Variants in XPO4 observed in about 807,000 individuals in gnomAD.
XPO4 encodes exportin 4.
Under a neutral mutation model 143.0 loss-of-function variants are expected in XPO4, and 39 were observed. That is an observed-to-expected ratio of 0.27 (90% CI 0.21 to 0.36). XPO4 has a LOEUF of 0.36. Ranked by LOEUF, XPO4 falls within the 10% of genes least tolerant of loss-of-function variation. XPO4 has a pLI of 1.00. For synonymous variants in XPO4, 439 were observed against 474.0 expected (o/e 0.93, Z 0.96); for missense variants, 907 against 1,348.0 (o/e 0.67, Z 5.12).
In XPO4 at chr13:20,860,337, T is replaced by G. The variant is rs142182319; in HGVS notation, c.317+2380A>C. Among the ~76,000 whole-genome samples the G allele has an allele frequency of 3.3e-3, 500 of 152,336 alleles. 1 individual carries two copies. Among genetic ancestry groups the G allele is most frequent in the African/African-American group, 0.012 (486 of 41,580 alleles). On this transcript the variant is annotated intron_variant, in intron 3 of 22. Coordinates refer to ENST00000255305, the MANE Select transcript of XPO4 (RefSeq NM_022459.5). ...AGGCCCTAAGGCTTATTTTCTTTTA[T>G]TACATAAATATAAATAAATATGAAG...
intron 9 of XPO4, among the ~76,000 whole-genome samples, chr13:20,813,144 C>T (rs1384624736): frequency 1.3e-5 from 2 of 152,090 alleles, no homozygotes; most frequent in Non-Finnish European, 1.5e-5. Flanking sequence ...CACAATGTCA[C>T]GAGAACAGCA....
chr13:20,890,324 C>T (rs2060499857), intron 1 of XPO4, among the ~76,000 whole-genome samples: 1 of 151,804 alleles, frequency 6.6e-6, no homozygotes, highest in Non-Finnish European at 1.5e-5. Context: ...GTGGCCCATG[C>T]TTATAGTCCC....
rs1235082676 is a variant in XPO4, at chr13:20,788,623, AAG to A, written c.2917-9_2917-8del. ...GATTACAAAGGGTTGGAAACTGAAAAAGAAATATTCAATTATTTGGATGCTCA... is the reference window on the plus strand; with the variant it reads ...GATTACAAAGGGTTGGAAACTGAAAAAAATATTCAATTATTTGGATGCTCA... On this transcript the variant is annotated splice_polypyrimidine_tract_variant and splice_region_variant and intron_variant, in intron 19 of 22. Transcript: ENST00000255305. The A allele has an allele frequency of 6.3e-7, 1 of 1,583,250 alleles. No homozygotes were observed.
At chr13:20,800,398 C>A in intron 14 of XPO4, 73 bp from the exon 15 acceptor site, 3 of 1,452,814 alleles carry the variant, frequency 2.1e-6, no homozygotes, top group South Asian at 2.6e-5. Flanking sequence ...AGAGAAAAAT[C>A]GAACTGAAAT....
chr13:20,871,523 A>T (rs985699264), intron 1 of XPO4, among the ~76,000 whole-genome samples: 7 of 152,158 alleles, frequency 4.6e-5, no homozygotes, highest in African/African-American at 1.4e-4. Context: ...ACCATGGCTC[A>T]TGCCTGTAAT....
rs75234944 is a variant in XPO4 at position 20,815,092 on chromosome 13, A to G, written c.1174-5125T>C. Among the ~76,000 whole-genome samples the G allele has an allele frequency of 3.3e-3, 504 of 152,274 alleles. 4 individuals are homozygous for G. Among genetic ancestry groups the G allele is most frequent in the African/African-American group, 0.012 (485 of 41,548 alleles). ...AATCTAACAACACTACACGATTCCA[A>G]CTACACGACATTCTAGAAAAGGCAA... On this transcript the variant is annotated intron_variant, in intron 9 of 22. Transcript: ENST00000255305.
chr13:20,855,565 T>C (rs984809672), intron 4 of XPO4, 62 bp downstream of exon 4: 4 of 1,378,120 alleles, frequency 2.9e-6, no homozygotes. Context: ...CTTGCTATAA[T>C]GCTATTTGTG....
At chr13:20,797,776 C>T (rs1253157280) in intron 16 of XPO4, among the ~76,000 whole-genome samples, 4 of 152,128 alleles carry the variant, frequency 2.6e-5, no homozygotes. Flanking sequence ...ATAATGTGCC[C>T]ATGGTTGTTG....
At chr13:20,896,409 T>C (rs918397447) in intron 1 of XPO4, among the ~76,000 whole-genome samples, 1 of 152,208 alleles carries the variant, frequency 6.6e-6, no homozygotes, top group Non-Finnish European at 1.5e-5. Context: ...CTCTTTTATA[T>C]TCTGCAAATA....
At chr13:20,862,884 T>C in intron 2 of XPO4, 26 bp from the exon 3 acceptor site, 1 of 1,609,132 alleles carries the variant, frequency 6.2e-7, no homozygotes, top group Non-Finnish European at 8.5e-7. Context: ...AAAACTTTAT[T>C]TAAACAATAA....
At chr13:20,860,188 G>A (rs1046447293) in intron 3 of XPO4, among the ~76,000 whole-genome samples, 1 of 152,170 alleles carries the variant, frequency 6.6e-6, no homozygotes, top group African/African-American at 2.4e-5. Context: ...ATATTAAAGA[G>A]ACTTTATGTT....
chr13:20,892,047 T>C (rs183768253), intron 1 of XPO4, among the ~76,000 whole-genome samples: 108 of 151,648 alleles, frequency 7.1e-4, no homozygotes, highest in African/African-American at 2.5e-3. Context: ...TTTTTTTTTT[T>C]CGAGATGGAG....
At chr13:20,860,440 A>G (rs1281112626) in intron 3 of XPO4, among the ~76,000 whole-genome samples, 1 of 152,238 alleles carries the variant, frequency 6.6e-6, no homozygotes, top group Non-Finnish European at 1.5e-5. Flanking sequence ...AAAGAAAAAT[A>G]CCAAAACAAA....
At chr13:20,787,412 C>A in intron 21 of XPO4, 69 bp downstream of exon 21, 1 of 1,397,508 alleles carries the variant, frequency 7.2e-7, no homozygotes, top group Non-Finnish European at 1.0e-6. Flanking sequence ...CATTTGAATG[C>A]AGAATTATGT....
intron 6 of XPO4, among the ~76,000 whole-genome samples, chr13:20,827,400 T>G (rs2059798094): frequency 6.6e-6 from 1 of 152,182 alleles, no homozygotes; most frequent in African/African-American, 2.4e-5. Flanking sequence ...ATGCTTTCAT[T>G]GTAATTATGT....
intron 5 of XPO4, among the ~76,000 whole-genome samples, chr13:20,843,482 C>G (rs1254510198): frequency 6.6e-6 from 1 of 152,106 alleles, no homozygotes; most frequent in Non-Finnish European, 1.5e-5. Flanking sequence ...CCAGCAGAGT[C>G]CCTTCAATTG....
intron 7 of XPO4, 24 bp from the exon 8 acceptor site, chr13:20,822,313 A>G (rs1244700664): frequency 6.3e-7 from 1 of 1,594,642 alleles, no homozygotes; most frequent in Non-Finnish European, 8.6e-7. Flanking sequence ...TTACTAATCC[A>G]TAAATATAAA....
chr13:20,902,547 C>A, intron 1 of XPO4, 123 bp downstream of exon 1: 16 of 1,323,992 alleles, frequency 1.2e-5, no homozygotes, highest in Non-Finnish European at 1.6e-5. Flanking sequence ...CCACCTCCTC[C>A]TCCACTTCCA....
intron 4 of XPO4, among the ~76,000 whole-genome samples, chr13:20,845,002 C>T (rs753433524): frequency 1.3e-5 from 2 of 152,176 alleles, no homozygotes; most frequent in Non-Finnish European, 2.9e-5. Flanking sequence ...GAAACCCTGT[C>T]TCTACTAAAA....
Sources: allele counts gnomAD v4.1 joint callset (sites outside exome capture counted in the v4.1 genomes callset), GRCh38; gene constraint gnomAD v4.1.1; transcripts MANE v1.5; gene names NCBI Gene and HGNC (gene_info 2026-07-23, HGNC 2026-07-21).